RUBCN: variants seen among roughly 807,000 people sequenced by gnomAD.
RUBCN encodes rubicon autophagy regulator.
A neutral mutation model predicts 113.2 loss-of-function variants in RUBCN; 74 were observed. That is an observed-to-expected ratio of 0.65 (90% confidence interval 0.54 to 0.79). The LOEUF is 0.79. Among genes scored for constraint, RUBCN ranks in the 30% least tolerant of loss-of-function variants. The probability of loss-of-function intolerance (pLI) is 0.00; values close to 1 mark genes in which losing one functional copy is unlikely to be tolerated. For synonymous variants in RUBCN, 480 were observed against 490.0 expected (o/e 0.98, Z 0.27); for missense variants, 1,109 against 1,251.7 (o/e 0.89, Z 1.72).
exon 1 of RUBCN, chr3:197,749,392 C>T (rs1279960453): frequency 8.4e-7 from 1 of 1,189,988 alleles, no homozygotes; most frequent in East Asian, 6.1e-5. Flanking sequence ...GTTAAGGTGA[C>T]GCAGGAACCG....
At chr3:197,695,836 G>A (rs1260087090) in intron 9 of RUBCN, 30 bp downstream of exon 9, 1 of 1,596,114 alleles carries the variant, frequency 6.3e-7, no homozygotes, top group East Asian at 2.2e-5. Context: ...CCCAACTCAT[G>A]AGCTCTTCAT....
At chr3:197,728,721 G>C (rs1209215740) in intron 1 of RUBCN, among the ~76,000 whole-genome samples, 1 of 152,184 alleles carries the variant, frequency 6.6e-6, no homozygotes, top group Non-Finnish European at 1.5e-5. Context: ...CCATCTGTCA[G>C]AGAATTCAGA....
Position 197,675,586 on chromosome 3 carries a change from C to T in RUBCN, c.2647-71G>A, listed in dbSNP as rs180675513. The T allele has an allele frequency of 3.4e-6, 4 of 1,160,500 alleles. No homozygotes were observed. Among genetic ancestry groups the T allele is most frequent in the East Asian group, 2.3e-5 (1 of 42,828 alleles). 71.9% of individuals were successfully genotyped at this position (1,160,500 alleles called of 1,614,324 possible). ...GGAACTGGCACGGGAGGGTGAACAC[C>T]GAGGAGGGGAGTGGTCTACAGGGTT... On this transcript the variant is annotated intron_variant, in intron 18 of 19. Coordinates refer to ENST00000296343, the MANE Select transcript of RUBCN (RefSeq NM_014687.4). This position sits in a 1 kb window ranked among gnomAD's most constrained non-coding sequence, Gnocchi z 4.4.
intron 11 of RUBCN, among the ~76,000 whole-genome samples, chr3:197,685,054 A>G (rs761545319): frequency 1.2e-4 from 19 of 152,252 alleles, no homozygotes; most frequent in Non-Finnish European, 2.1e-4. Flanking sequence ...GATGGTCAAC[A>G]TGACCTCTGA....
intron 1 of RUBCN, among the ~76,000 whole-genome samples, chr3:197,732,809 A>AC (rs2109005111): frequency 6.6e-6 from 1 of 152,328 alleles, no homozygotes; most frequent in South Asian, 2.1e-4. Context: ...CAATGTGTTC[A>AC]ACTCGGATGA....
chr3:197,694,336 G>A (rs1184481000), intron 10 of RUBCN, 39 bp downstream of exon 10: 6 of 1,589,274 alleles, frequency 3.8e-6, no homozygotes, highest in Non-Finnish European at 5.2e-6. Context: ...CTGAAGTTGG[G>A]AAAATGTGGG....
At chr3:197,703,433 T>C in intron 5 of RUBCN, 115 bp downstream of exon 5, 1 of 168,288 alleles carries the variant, frequency 5.9e-6, no homozygotes, top group Non-Finnish European at 1.0e-5. Context: ...AAAAAAAAAA[T>C]GCAAGCCTTT....
At position 197,718,097 on chromosome 3, in the gene RUBCN, C is replaced by T. The variant is rs1393034338; in HGVS notation, c.99G>A (p.Lys33=). 5.0e-6 allele frequency: 8 copies of T among 1,614,106 alleles called. No homozygotes were observed. The highest frequency in any genetic ancestry group is 6.8e-6 in the Non-Finnish European group (8 of 1,180,054). Residue 33 remains lysine (K), a synonymous_variant, in exon 2 of 20, where the codon AAG becomes AAA. Coordinates refer to ENST00000296343, the MANE Select transcript of RUBCN (RefSeq NM_014687.4). ...REHWQLLGNL[K]TTVEGLVSTN... is the part of the protein sequence containing the mutation. ...TTGATACCAAACCCTCCACCGTCGTCTTCAAATTACCCAGCAACTGCCAGT... is the reference window on the plus strand; with the variant it reads ...TTGATACCAAACCCTCCACCGTCGTTTTCAAATTACCCAGCAACTGCCAGT...
rs2108833855 is a variant in RUBCN, at chr3:197,676,994, T to C, written c.2537A>G (p.Asp846Gly). Residue 846 changes from aspartate (D) to glycine (G), a missense_variant, in exon 18 of 20, where the codon GAC becomes GGC. By Grantham distance (94) the Asp-to-Gly change is moderately conservative. This residue lies in a region of RUBCN where 306 missense variants were observed against 348.9 expected (regional missense o/e 0.88). Transcript: ENST00000296343. Reference protein sequence around the residue: ...FDTVPGHLTEDLHLYSLNDLT... With the variant: ...FDTVPGHLTEGLHLYSLNDLT... ...GTCATTCAGTGAGTACAGGTGGAGG[T>C]CCTCTGTCAGGTGGCCTGGGACTGT... The C allele has an allele frequency of 6.2e-7, 1 of 1,613,890 alleles. No homozygotes were observed. Among genetic ancestry groups the C allele is most frequent in the Non-Finnish European group, 8.5e-7 (1 of 1,180,002 alleles).
chr3:197,736,638 G>A lies in RUBCN; in HGVS notation c.65+17C>T. ...GCGCCTGTCGCTGCCCCGACTCCGC[G>A]GCGGCTCCCAGCCCACCTGCTCTCC... On this transcript the variant is annotated intron_variant, in intron 1 of 19. Transcript: ENST00000296343. 6.5e-7 allele frequency: 1 copy of A among 1,532,200 alleles called. No homozygotes were observed. Among genetic ancestry groups the A allele is most frequent in the Non-Finnish European group, 8.7e-7 (1 of 1,145,942 alleles). 94.9% of individuals were successfully genotyped at this position (1,532,200 alleles called of 1,614,324 possible). A position where few individuals can be genotyped will look rare whatever the true frequency, so the allele number is the denominator to read the frequency against.
chr3:197,698,687 G>C (rs1407628353), intron 7 of RUBCN, among the ~76,000 whole-genome samples: 1 of 151,914 alleles, frequency 6.6e-6, no homozygotes, highest in Admixed American at 6.6e-5. Context: ...TCCATAGGAA[G>C]TATTCAGTTA....
intron 1 of RUBCN, 87 bp from the exon 2 acceptor site, chr3:197,718,217 C>T: frequency 1.4e-6 from 2 of 1,446,192 alleles, no homozygotes; most frequent in Non-Finnish European, 1.9e-6. Context: ...GCCGAGGAGC[C>T]TCCTGCCCCA....
chr3:197,695,237 T>C (rs939763747), intron 9 of RUBCN, among the ~76,000 whole-genome samples: 2 of 143,448 alleles, frequency 1.4e-5, no homozygotes, highest in Non-Finnish European at 3.0e-5. Flanking sequence ...CCCAGCACTC[T>C]GGGAGGCCAA....
intron 1 of RUBCN, among the ~76,000 whole-genome samples, chr3:197,726,074 A>C (rs1280211456): frequency 6.6e-6 from 1 of 152,124 alleles, no homozygotes; most frequent in Non-Finnish European, 1.5e-5. Context: ...GGTTCTAAAT[A>C]ATCTGACCCA....
In RUBCN at chr3:197,676,947, C is replaced by T; in HGVS notation, c.2584G>A (p.Glu862Lys). 6.2e-7 allele frequency: 1 copy of T among 1,614,252 alleles called. No individual in the cohort carries two copies. Among genetic ancestry groups the T allele is most frequent in the African/African-American group, 1.3e-5 (1 of 75,070 alleles). The change falls in exon 18 of 20, where the codon GAG becomes AAG. Residue 862 changes from glutamate (E) to lysine (K), a missense_variant. Glu to Lys is a moderately conservative substitution (Grantham distance 56). Coordinates refer to ENST00000296343, the MANE Select transcript of RUBCN (RefSeq NM_014687.4). ...LNDLTATRKG[E>K]LGPRLAELTR... Reference sequence around the variant, plus strand: ...AGCTCAGCAAGCCGGGGCCCCAGCTCCCCCTTCCTGGTCGCAGTCAGGTCA... The same window carrying T: ...AGCTCAGCAAGCCGGGGCCCCAGCTTCCCCTTCCTGGTCGCAGTCAGGTCA...
chr3:197,734,936 T>G (rs1208963951), intron 1 of RUBCN, among the ~76,000 whole-genome samples: 1 of 152,248 alleles, frequency 6.6e-6, no homozygotes. Flanking sequence ...CAGGCCACTT[T>G]GCACATAAAA....
intron 1 of RUBCN, among the ~76,000 whole-genome samples, chr3:197,718,512 T>C (rs559538291): frequency 6.6e-6 from 1 of 152,190 alleles, no homozygotes; most frequent in African/African-American, 2.4e-5. Flanking sequence ...TGTGGTGGCA[T>C]GATCACAGCT....
At chr3:197,680,654 C>T (rs2108846939) in intron 16 of RUBCN, among the ~76,000 whole-genome samples, 1 of 152,352 alleles carries the variant, frequency 6.6e-6, no homozygotes, top group Non-Finnish European at 1.5e-5. Flanking sequence ...TCAGGGAAGG[C>T]CCCTCCGCCA....
At chr3:197,749,792 C>A, upstream of RUBCN, 1 of 486,644 alleles carries the variant, frequency 2.1e-6, no homozygotes. Context: ...GGCGCGGGGC[C>A]GCTCTGGTCG....
Sources: allele counts gnomAD v4.1 joint callset (sites outside exome capture counted in the v4.1 genomes callset), GRCh38; gene constraint gnomAD v4.1.1; regional missense constraint gnomAD v4.1.1; non-coding constraint Gnocchi (gnomAD v3.1); transcripts MANE v1.5; gene names NCBI Gene and HGNC (gene_info 2026-07-23, HGNC 2026-07-21).